Variants in ZBTB7C observed in about 807,000 individuals in gnomAD.
The protein encoded by ZBTB7C is zinc finger and BTB domain-containing protein 7C.
ZBTB7C carries 8 observed loss-of-function variants against 25.7 expected under a neutral mutation model. The observed-to-expected ratio is 0.31, with a 90% CI of 0.18 to 0.56. The LOEUF (loss-of-function observed/expected upper bound fraction) is 0.56. Among genes scored for constraint, ZBTB7C ranks in the 20% least tolerant of loss-of-function variants. ZBTB7C has a pLI of 0.91. For missense variants in ZBTB7C, 824 were observed against 855.2 expected (o/e 0.96, Z 0.46); for synonymous variants, 394 against 369.0 (o/e 1.07, Z -0.78).
intron 2 of ZBTB7C, among the ~76,000 whole-genome samples, chr18:48,262,362 C>A (rs1223970104): frequency 2.6e-5 from 4 of 152,160 alleles, no homozygotes; most frequent in African/African-American, 9.7e-5. Flanking sequence ...ATCTTGACCA[C>A]TTACAGAGTC....
At chr18:48,350,222 A>G (rs1598928449) in intron 1 of ZBTB7C, among the ~76,000 whole-genome samples, 1 of 152,174 alleles carries the variant, frequency 6.6e-6, no homozygotes, top group East Asian at 1.9e-4. Context: ...GGCTAAAATC[A>G]AGGTGTCAGC....
chr18:48,302,460 T>C (rs950156655), intron 2 of ZBTB7C, among the ~76,000 whole-genome samples: 2 of 152,204 alleles, frequency 1.3e-5, no homozygotes, highest in Non-Finnish European at 2.9e-5. Context: ...TTTCTACTCA[T>C]GCCCACAAGG....
In ZBTB7C at chr18:48,027,449, T is replaced by A. The variant is rs936124112; in HGVS notation, c.*1811A>T. The A allele has an allele frequency of 6.6e-6, 1 of 150,702 alleles. No individual in the cohort carries two copies. Among genetic ancestry groups the A allele is most frequent in the East Asian group, 2.0e-4 (1 of 5,122 alleles). The allele number at this position is 150,702 out of a possible 1,614,324, so 9.3% of individuals were successfully genotyped here. A position where few individuals can be genotyped will look rare whatever the true frequency, so the allele number is the denominator to read the frequency against. ...GGGAACACGGGGGCACGTTGGCTGGTGGACATGGGCATGCTTCAGAGAAAA... is the reference window on the plus strand; with the variant it reads ...GGGAACACGGGGGCACGTTGGCTGGAGGACATGGGCATGCTTCAGAGAAAA... On this transcript the variant is annotated 3_prime_UTR_variant, in exon 5 of 5. Coordinates refer to ENST00000590800, the MANE Select transcript of ZBTB7C (RefSeq NM_001318841.2).
chr18:48,221,002 CCCTCTATGCTGTCCTAGTCT>C (rs1237881265), intron 2 of ZBTB7C, among the ~76,000 whole-genome samples: 3 of 151,388 alleles, frequency 2.0e-5, no homozygotes, highest in Non-Finnish European at 4.4e-5. Flanking sequence ...GTCCTGGTCT[CCCTCTATGCTGTCCTAGTCT>C]CCTCTATACT....
chr18:48,264,359 A>T (rs1022767892), intron 2 of ZBTB7C, among the ~76,000 whole-genome samples: 1 of 151,638 alleles, frequency 6.6e-6, no homozygotes, highest in Non-Finnish European at 1.5e-5. Context: ...CAAAGAAAGG[A>T]GCACTCGCCG....
intron 2 of ZBTB7C, among the ~76,000 whole-genome samples, chr18:48,225,589 AT>A (rs1229011238): frequency 1.3e-5 from 2 of 151,962 alleles, no homozygotes; most frequent in Non-Finnish European, 2.9e-5. Flanking sequence ...GGTAGCACTT[AT>A]TTTTTCAGCA....
At chr18:48,171,405 AC>A (rs1442038184) in intron 3 of ZBTB7C, among the ~76,000 whole-genome samples, 1 of 151,970 alleles carries the variant, frequency 6.6e-6, no homozygotes, top group Non-Finnish European at 1.5e-5. Context: ...TCCAGCCCTC[AC>A]TTCCCCTACC....
At position 48,267,590 on chromosome 18, in the gene ZBTB7C, G is replaced by A. The variant is rs77627782; in HGVS notation, c.-79+70584C>T. Among the ~76,000 whole-genome samples the A allele has an allele frequency of 7.9e-3, 1,200 of 152,264 alleles. 10 individuals are homozygous for A. Among genetic ancestry groups the A allele is most frequent in the Non-Finnish European group, 0.014 (955 of 68,018 alleles). On this transcript the variant is annotated intron_variant, in intron 2 of 4. Coordinates refer to ENST00000590800, the MANE Select transcript of ZBTB7C (RefSeq NM_001318841.2). ...CTCTGAGCACATCATGTTCTGGTTT[G>A]CAGGTTGAAAGACACATCAATACGT...
chr18:48,155,751 T>C (rs76000162), intron 3 of ZBTB7C, among the ~76,000 whole-genome samples: 3,115 of 152,314 alleles, frequency 0.02, 115 homozygotes, highest in African/African-American at 0.071. Flanking sequence ...GAAGGGGATG[T>C]GCCTGCATTC....
At chr18:48,220,689 A>G (rs1006394410) in intron 2 of ZBTB7C, among the ~76,000 whole-genome samples, 1 of 152,190 alleles carries the variant, frequency 6.6e-6, no homozygotes, top group Non-Finnish European at 1.5e-5. Context: ...GGTGGCAATA[A>G]AGACGGTTAA....
intron 2 of ZBTB7C, among the ~76,000 whole-genome samples, chr18:48,304,178 C>T (rs2045611335): frequency 6.6e-6 from 1 of 152,222 alleles, no homozygotes; most frequent in Non-Finnish European, 1.5e-5. Context: ...ATAAGCCCAG[C>T]TGCCTGCTTC....
chr18:48,074,801 T>C (rs2037695718), intron 3 of ZBTB7C, among the ~76,000 whole-genome samples: 1 of 152,208 alleles, frequency 6.6e-6, no homozygotes, highest in South Asian at 2.1e-4. Flanking sequence ...GGTTCCAGCC[T>C]GGCAAACACA....
In ZBTB7C at chr18:48,168,143, G is replaced by C. The variant is rs144660579; in HGVS notation, c.-17+17791C>G. On this transcript the variant is annotated intron_variant, in intron 3 of 4. Coordinates refer to ENST00000590800, the MANE Select transcript of ZBTB7C (RefSeq NM_001318841.2). ...TATGGGGAGCAAAGGGCAGAGCTTG[G>C]CAAGAGCCCAGGTGCTGTGTGAGGG... 4.3e-3 allele frequency among the ~76,000 whole-genome samples: 658 copies of C among 152,332 alleles called. 7 individuals carry two copies. The highest frequency in any genetic ancestry group is 0.015 in the African/African-American group (629 of 41,578).
intron 3 of ZBTB7C, among the ~76,000 whole-genome samples, chr18:48,046,974 G>C (rs2036499080): frequency 6.6e-6 from 1 of 152,178 alleles, no homozygotes. Context: ...ACTTCTCACT[G>C]CGCCTTGGTT....
intron 1 of ZBTB7C, among the ~76,000 whole-genome samples, chr18:48,340,738 T>C (rs2046581382): frequency 6.6e-6 from 1 of 152,196 alleles, no homozygotes. Flanking sequence ...GCTGTCGCCC[T>C]CACTCCGGGA....
chr18:48,152,199 A>G (rs1327670126), intron 3 of ZBTB7C, among the ~76,000 whole-genome samples: 1 of 152,212 alleles, frequency 6.6e-6, no homozygotes, highest in Non-Finnish European at 1.5e-5. Flanking sequence ...GGTGGGCTTC[A>G]GAGAATCCTT....
At chr18:48,329,487 A>G (rs2046297309) in intron 2 of ZBTB7C, among the ~76,000 whole-genome samples, 1 of 152,206 alleles carries the variant, frequency 6.6e-6, no homozygotes, top group Admixed American at 6.5e-5. Context: ...ACCTCTGAGA[A>G]AGTAAAACAA....
At chr18:48,055,266 T>A (rs2036865561) in intron 3 of ZBTB7C, among the ~76,000 whole-genome samples, 1 of 151,620 alleles carries the variant, frequency 6.6e-6, no homozygotes, top group South Asian at 2.1e-4. Flanking sequence ...AAAAATTAGC[T>A]GGGCATGGTG....
At chr18:48,200,364 T>A (rs921175328) in intron 2 of ZBTB7C, among the ~76,000 whole-genome samples, 2 of 151,694 alleles carry the variant, frequency 1.3e-5, no homozygotes, top group African/African-American at 4.8e-5. Flanking sequence ...GTGGCCGGTG[T>A]TTGTAGTACA....
Sources: gnomAD v4.1 joint callset for allele counts (sites outside exome capture counted in the v4.1 genomes callset) on GRCh38, gnomAD v4.1.1 for gene constraint, MANE v1.5 for transcripts, NCBI Gene and HGNC (gene_info 2026-07-23, HGNC 2026-07-21) for gene names.